RGS5: variants seen among roughly 807,000 people sequenced by gnomAD.
The protein encoded by RGS5 is regulator of G-protein signalling 5.
In RGS5, 20 loss-of-function variants were observed where a neutral mutation model predicts 18.9. The observed-to-expected ratio is 1.06, with a 90% CI of 0.74 to 1.54. RGS5 has a LOEUF of 1.54. Among genes scored for constraint, RGS5 ranks in the 40% most tolerant of loss-of-function variants. The probability of loss-of-function intolerance (pLI) is 0.00; values close to 1 mark genes in which losing one functional copy is unlikely to be tolerated. For synonymous variants in RGS5, 57 were observed against 76.2 expected (o/e 0.75, Z 1.31); for missense variants, 201 against 211.8 (o/e 0.95, Z 0.32).
At chr1:163,293,345 G>A (rs974935690) in intron 2 of RGS5, among the ~76,000 whole-genome samples, 3 of 152,182 alleles carry the variant, frequency 2.0e-5, no homozygotes, top group Non-Finnish European at 4.4e-5. Flanking sequence ...AGAAGATGAA[G>A]GAGAAGCAAG....
intron 1 of RGS5, among the ~76,000 whole-genome samples, chr1:163,194,762 C>T (rs1433047352): frequency 6.6e-6 from 1 of 151,852 alleles, no homozygotes; most frequent in Non-Finnish European, 1.5e-5. Context: ...ACAAACAATC[C>T]AATTGAGAAA....
intron 2 of RGS5, among the ~76,000 whole-genome samples, chr1:163,290,855 T>C (rs1366235110): frequency 6.6e-6 from 1 of 152,108 alleles, no homozygotes; most frequent in African/African-American, 2.4e-5. Context: ...AATCCTAAAC[T>C]TGGTGGTTAT....
At chr1:163,245,358 A>G (rs1160598157) in intron 2 of RGS5, among the ~76,000 whole-genome samples, 2 of 152,208 alleles carry the variant, frequency 1.3e-5, no homozygotes, top group African/African-American at 2.4e-5. Flanking sequence ...TCTTTTCCCC[A>G]TGACAACTTG....
chr1:163,243,094 T>C (rs1647831790), intron 2 of RGS5, among the ~76,000 whole-genome samples: 2 of 152,170 alleles, frequency 1.3e-5, no homozygotes, highest in South Asian at 4.1e-4. Context: ...ATATACACTA[T>C]GGAATACTAT....
intron 2 of RGS5, among the ~76,000 whole-genome samples, chr1:163,165,496 C>G (rs1380997204): frequency 3.9e-5 from 6 of 152,218 alleles, no homozygotes; most frequent in Admixed American, 6.5e-5. Context: ...GGAGGACCTA[C>G]AGCAGAGCCT....
At chr1:163,268,354 T>C (rs563877200) in intron 2 of RGS5, among the ~76,000 whole-genome samples, 1 of 152,242 alleles carries the variant, frequency 6.6e-6, no homozygotes, top group Non-Finnish European at 1.5e-5. Context: ...ATTCAATATT[T>C]TCATTTTGCA....
At chr1:163,231,180 T>C (rs1049540463) in intron 2 of RGS5, among the ~76,000 whole-genome samples, 2 of 152,184 alleles carry the variant, frequency 1.3e-5, no homozygotes, top group Non-Finnish European at 2.9e-5. Context: ...TTTTCTCTTT[T>C]TTAAATATTA....
intron 2 of RGS5, among the ~76,000 whole-genome samples, chr1:163,281,787 T>G (rs1316777568): frequency 6.6e-6 from 1 of 152,188 alleles, no homozygotes; most frequent in Non-Finnish European, 1.5e-5. Flanking sequence ...CAACTTATTT[T>G]GGACAAAGGT....
chr1:163,215,894 G>A (rs751432547), intron 1 of RGS5, among the ~76,000 whole-genome samples: 14 of 151,830 alleles, frequency 9.2e-5, no homozygotes, highest in East Asian at 1.9e-4. Context: ...GTGAAACACC[G>A]TGTCTATTCA....
At chr1:163,256,150 A>G (rs1648266137) in intron 2 of RGS5, among the ~76,000 whole-genome samples, 2 of 152,208 alleles carry the variant, frequency 1.3e-5, no homozygotes, top group African/African-American at 4.8e-5. Context: ...GTATTCAATT[A>G]GGAAAAGAGG....
rs548606613 is a variant in RGS5 at position 163,257,801 on chromosome 1, T to G, written c.-281+48432A>C. The stretch of plus-strand genomic sequence containing the variant: ...TCCATTCTGTCTCCCACCTACTTCT[T>G]TTTCAGGCTATACTTACAATCTCCC... On this transcript the variant is annotated intron_variant, in intron 2 of 5. Coordinates refer to the RGS5 transcript ENST00000618415. Among the ~76,000 whole-genome samples, 248 of 152,336 alleles carry G rather than the reference T, an allele frequency of 1.6e-3. 1 individual carries two copies. Among genetic ancestry groups the G allele is most frequent in the Middle Eastern group, 0.014 (4 of 294 alleles).
At chr1:163,218,494 C>T (rs1660265961), upstream of RGS5, among the ~76,000 whole-genome samples, 1 of 151,642 alleles carries the variant, frequency 6.6e-6, no homozygotes, top group Non-Finnish European at 1.5e-5. Context: ...ATTACAGACA[C>T]CTATATTACA....
At chr1:163,200,574 TC>T (rs1413091358) in intron 1 of RGS5, among the ~76,000 whole-genome samples, 1 of 152,100 alleles carries the variant, frequency 6.6e-6, no homozygotes. Flanking sequence ...TTAGACCCTT[TC>T]CATGGGTAAG....
At chr1:163,222,179 C>G (rs1463710234), upstream of RGS5, among the ~76,000 whole-genome samples, 4 of 152,126 alleles carry the variant, frequency 2.6e-5, no homozygotes, top group Admixed American at 1.3e-4. Context: ...CTGTTAGGAA[C>G]CAGGCCACAG....
At chr1:163,147,908 T>C (rs886592040) in intron 4 of RGS5, among the ~76,000 whole-genome samples, 8 of 116,728 alleles carry the variant, frequency 6.9e-5, no homozygotes, top group Non-Finnish European at 1.4e-4. Flanking sequence ...CCTGGTGCTT[T>C]TTTCTTTTTC....
intron 2 of RGS5, among the ~76,000 whole-genome samples, chr1:163,228,452 C>T (rs1471751152): frequency 6.6e-6 from 1 of 152,212 alleles, no homozygotes; most frequent in Admixed American, 6.5e-5. Flanking sequence ...ATGCAGGGCA[C>T]CAAGTCCCAA....
At chr1:163,217,915 T>C (rs1660253092), upstream of RGS5, among the ~76,000 whole-genome samples, 1 of 152,140 alleles carries the variant, frequency 6.6e-6, no homozygotes, top group Admixed American at 6.6e-5. Flanking sequence ...ATCGCAGAAC[T>C]GATTGGACGC....
intron 2 of RGS5, among the ~76,000 whole-genome samples, chr1:163,278,827 CAT>C (rs1184531640): frequency 6.6e-6 from 1 of 151,868 alleles, no homozygotes; most frequent in Non-Finnish European, 1.5e-5. Flanking sequence ...TAAATATACA[CAT>C]AGACTGAAAG....
At chr1:163,151,698 T>C (rs182385112) in intron 4 of RGS5, among the ~76,000 whole-genome samples, 1 of 152,318 alleles carries the variant, frequency 6.6e-6, no homozygotes, top group African/African-American at 2.4e-5. Flanking sequence ...GTCTGGATTG[T>C]AAGTTTCCTG....
Sources: allele counts gnomAD v4.1 joint callset (sites outside exome capture counted in the v4.1 genomes callset), GRCh38; gene constraint gnomAD v4.1.1; transcripts MANE v1.5; gene names NCBI Gene and HGNC (gene_info 2026-07-23, HGNC 2026-07-21).